Variants in RORA observed in about 807,000 individuals in gnomAD.
RORA encodes nuclear receptor ROR-alpha.
In RORA, 7 loss-of-function variants were observed where a neutral mutation model predicts 69.5. The ratio of observed to expected loss-of-function variants is 0.10; its 90% CI spans 0.06 to 0.19. The LOEUF (loss-of-function observed/expected upper bound fraction) is 0.19. Ranked by LOEUF, RORA falls within the 10% of genes least tolerant of loss-of-function variation. The pLI is 1.00. For missense variants in RORA, 457 were observed against 663.0 expected, an observed-to-expected ratio of 0.69 and a Z score of 3.41; for synonymous variants, 261 against 240.8, an observed-to-expected ratio of 1.08 and a Z score of -0.78.
intron 1 of RORA, among the ~76,000 whole-genome samples, chr15:60,946,591 G>C (rs1031297331): frequency 2.0e-5 from 3 of 152,248 alleles, no homozygotes; most frequent in Non-Finnish European, 4.4e-5. Context: ...CCAGGCTGGA[G>C]TGCAGTGGCG....
At chr15:60,823,680 T>A (rs548436726) in intron 1 of RORA, among the ~76,000 whole-genome samples, 12 of 152,238 alleles carry the variant, frequency 7.9e-5, no homozygotes, top group African/African-American at 2.9e-4. Flanking sequence ...CACTTTATCT[T>A]CCCCAGAAAT....
At chr15:60,877,370 C>T (rs893024614) in intron 1 of RORA, among the ~76,000 whole-genome samples, 14 of 152,096 alleles carry the variant, frequency 9.2e-5, no homozygotes, top group African/African-American at 2.9e-4. Flanking sequence ...GCATAGTGCC[C>T]GCTATTTTAT....
At chr15:60,804,058 G>A (rs1041768632) in intron 1 of RORA, among the ~76,000 whole-genome samples, 1 of 152,100 alleles carries the variant, frequency 6.6e-6, no homozygotes, top group African/African-American at 2.4e-5. Context: ...GAGAGGCCAA[G>A]GTGGCGGATC....
At position 60,496,578 on chromosome 15, in the gene RORA, TC is replaced by T. The variant is rs1567033998; in HGVS notation, c.*876del. The T allele has an allele frequency of 6.6e-6, 1 of 152,132 alleles. No homozygotes were observed. The highest frequency in any genetic ancestry group is 1.5e-5 in the Non-Finnish European group (1 of 68,026). The allele number at this position is 152,132 out of a possible 1,614,324, so 9.4% of individuals were successfully genotyped here. ...AAGCAAAGTATAATTTAGGGAGAGT[TC>T]CGTTTCTAATTCCAAATTCACATGT... is the stretch of plus-strand genomic sequence containing the variant. On this transcript the variant is annotated 3_prime_UTR_variant, in exon 11 of 11. Coordinates refer to ENST00000335670, the MANE Select transcript of RORA (RefSeq NM_134261.3). The surrounding 1 kb of genome is among the most constrained non-coding windows in gnomAD (Gnocchi z 4.5).
chr15:60,534,919 G>GA lies in RORA; in HGVS notation c.197-3069dup, dbSNP rs1224506577. On this transcript the variant is annotated intron_variant, in intron 2 of 10. Transcript: ENST00000335670. This position sits in a 1 kb window ranked among gnomAD's most constrained non-coding sequence, Gnocchi z 5.0. ...TTCCAGAATTCAAATGAATCCATGAGAAAAAAATGCAGTCAATGCCTTGCA... is the reference window on the plus strand; with the variant it reads ...TTCCAGAATTCAAATGAATCCATGAGAAAAAAAATGCAGTCAATGCCTTGCA... 2.0e-5 allele frequency among the ~76,000 whole-genome samples: 3 copies of GA among 151,960 alleles called. No homozygotes were observed. The highest frequency in any genetic ancestry group is 3.8e-4 in the East Asian group (2 of 5,198).
chr15:60,842,906 C>T lies in RORA; in HGVS notation c.167-164220G>A, dbSNP rs578255045. ...AGTGAGTGCCAGCCCGCCACATCTG[C>T]TGAGTGAGAGTGGGTGGTGGAAGAG... On this transcript the variant is annotated intron_variant, in intron 1 of 10. Coordinates refer to ENST00000335670, the MANE Select transcript of RORA (RefSeq NM_134261.3). Among the ~76,000 whole-genome samples the T allele has an allele frequency of 2.3e-3, 354 of 152,334 alleles. 1 individual carries two copies. The highest frequency in any genetic ancestry group is 8.3e-3 in the African/African-American group (346 of 41,580).
At chr15:61,056,659 C>T (rs1303282551) in intron 1 of RORA, among the ~76,000 whole-genome samples, 2 of 152,092 alleles carry the variant, frequency 1.3e-5, no homozygotes, top group Non-Finnish European at 2.9e-5. Flanking sequence ...CAAATAGAAA[C>T]ATGAAAAGCA....
chr15:61,105,271 G>C (rs545749968), intron 1 of RORA, among the ~76,000 whole-genome samples: 1 of 152,160 alleles, frequency 6.6e-6, no homozygotes, highest in South Asian at 2.1e-4. Flanking sequence ...ATTTATCTAA[G>C]GTCTGTTTGC....
At chr15:60,991,398 A>T (rs1362348729) in intron 1 of RORA, among the ~76,000 whole-genome samples, 1 of 152,202 alleles carries the variant, frequency 6.6e-6, no homozygotes, top group Non-Finnish European at 1.5e-5. Context: ...AATAGGCTTC[A>T]GTTAGAGAGG....
chr15:60,974,513 G>A (rs975939650), intron 1 of RORA, among the ~76,000 whole-genome samples: 5 of 152,208 alleles, frequency 3.3e-5, no homozygotes, highest in Non-Finnish European at 5.9e-5. Context: ...GGGTGATAAT[G>A]GAAGTCATTC....
At chr15:60,683,815 G>C (rs989532080) in intron 1 of RORA, among the ~76,000 whole-genome samples, 2 of 152,154 alleles carry the variant, frequency 1.3e-5, no homozygotes, top group Non-Finnish European at 2.9e-5. Context: ...CCAAAGCAAA[G>C]TTGAGCTTCT....
At chr15:60,761,570 T>C (rs1221806723) in intron 1 of RORA, among the ~76,000 whole-genome samples, 2 of 152,176 alleles carry the variant, frequency 1.3e-5, no homozygotes, top group African/African-American at 4.8e-5. Context: ...CCCAGAATGT[T>C]GCTTCTATTT....
intron 1 of RORA, among the ~76,000 whole-genome samples, chr15:60,717,796 C>CTTTTTTTTTTTTTTTTTTTTTTTTTTCT (rs10653856): frequency 3.3e-5 from 3 of 91,968 alleles, no homozygotes; most frequent in Non-Finnish European, 6.1e-5. Context: ...TTCTTTTTCT[C>CTTTTTTTTTTTTTTTTTTTTTTTTTTCT]TTTTTTTTTT....
At chr15:61,082,893 G>T (rs1319587112) in intron 1 of RORA, among the ~76,000 whole-genome samples, 1 of 152,200 alleles carries the variant, frequency 6.6e-6, no homozygotes, top group African/African-American at 2.4e-5. Flanking sequence ...GTTGTCCTCA[G>T]TAGAAGCTTA....
intron 2 of RORA, among the ~76,000 whole-genome samples, chr15:60,623,169 A>G (rs2069466342): frequency 6.6e-6 from 1 of 152,206 alleles, no homozygotes; most frequent in Non-Finnish European, 1.5e-5. Context: ...GAGCCAGGAT[A>G]GCAGTGAAGC....
At chr15:60,930,235 G>T (rs1396333513) in intron 1 of RORA, among the ~76,000 whole-genome samples, 2 of 152,240 alleles carry the variant, frequency 1.3e-5, no homozygotes, top group East Asian at 3.9e-4. Context: ...TGATATGCCA[G>T]TCTCCTCCTA....
intron 2 of RORA, among the ~76,000 whole-genome samples, chr15:60,550,291 A>AAAAC (rs199798056): frequency 0.049 from 7,510 of 152,188 alleles, 598 homozygotes; most frequent in African/African-American, 0.16. Context: ...CTCCGTCTCA[A>AAAAC]AAACAAACAA....
intron 1 of RORA, among the ~76,000 whole-genome samples, chr15:61,155,350 T>C (rs1385630109): frequency 6.6e-6 from 1 of 152,224 alleles, no homozygotes; most frequent in African/African-American, 2.4e-5. Flanking sequence ...AAGGTGATTT[T>C]CTATAGCTAA....
intron 2 of RORA, among the ~76,000 whole-genome samples, chr15:60,555,405 T>C (rs777125391): frequency 1.3e-5 from 2 of 152,110 alleles, no homozygotes; most frequent in Non-Finnish European, 2.9e-5. Flanking sequence ...GGAGCAAATA[T>C]AAATTTTAGT....
Sources: gnomAD v4.1 joint callset for allele counts (sites outside exome capture counted in the v4.1 genomes callset) on GRCh38, gnomAD v4.1.1 for gene constraint, Gnocchi (gnomAD v3.1) non-coding constraint, MANE v1.5 for transcripts, NCBI Gene and HGNC (gene_info 2026-07-23, HGNC 2026-07-21) for gene names.